ZC3H18: variants seen among roughly 807,000 people sequenced by gnomAD.
ZC3H18 encodes the protein zinc finger CCCH-type containing 18.
Under a neutral mutation model 106.1 loss-of-function variants are expected in ZC3H18, and 8 were observed. The ratio of observed to expected loss-of-function variants is 0.08; its 90% CI spans 0.04 to 0.14. The LOEUF is 0.14. Ranked by LOEUF, ZC3H18 falls within the 10% of genes least tolerant of loss-of-function variation. The pLI is 1.00. For synonymous variants in ZC3H18, 635 were observed against 522.1 expected (o/e 1.22, Z -2.95); for missense variants, 1,318 against 1,278.4 (o/e 1.03, Z -0.47).
At chr16:88,585,593 C>G (rs1448571765) in intron 2 of ZC3H18, among the ~76,000 whole-genome samples, 2 of 152,162 alleles carry the variant, frequency 1.3e-5, no homozygotes, top group African/African-American at 4.8e-5. Context: ...GAAGGGGACT[C>G]AAGCTTCCAT....
chr16:88,596,911 C>T lies in ZC3H18; in HGVS notation c.689-1267C>T, dbSNP rs1378806668. Among the ~76,000 whole-genome samples, 3 of 152,198 alleles carry T rather than the reference C, an allele frequency of 2.0e-5. No individual in the cohort carries two copies. The East Asian group carries it at 5.8e-4, about 29-fold the overall frequency. Reference sequence around the variant, plus strand: ...GAACCCCCTATAGAATAACATTTCCCAACCTCTTTTGTTTTTTGTTGTTGT... The same window carrying T: ...GAACCCCCTATAGAATAACATTTCCTAACCTCTTTTGTTTTTTGTTGTTGT... On this transcript the variant is annotated intron_variant, in intron 3 of 17. Coordinates refer to ENST00000301011, the MANE Select transcript of ZC3H18 (RefSeq NM_144604.4).
At chr16:88,621,460 G>A (rs144257055) in intron 8 of ZC3H18, among the ~76,000 whole-genome samples, 3 of 151,946 alleles carry the variant, frequency 2.0e-5, no homozygotes, top group South Asian at 4.1e-4. Flanking sequence ...TCTTGACCTC[G>A]TGATTCGCCC....
chr16:88,625,004 A>G (rs2142820672), intron 12 of ZC3H18, among the ~76,000 whole-genome samples, 198 bp from the exon 13 acceptor site: 1 of 152,266 alleles, frequency 6.6e-6, no homozygotes, highest in Admixed American at 6.5e-5. Context: ...TCTGCACTGG[A>G]AGGTGCTGCC....
intron 6 of ZC3H18, among the ~76,000 whole-genome samples, chr16:88,601,753 G>A (rs1310077362): frequency 6.6e-6 from 1 of 152,164 alleles, no homozygotes; most frequent in Non-Finnish European, 1.5e-5. Context: ...TGTTTTTATA[G>A]AGTAGCCTCT....
At chr16:88,623,817 AG>A in intron 10 of ZC3H18, 140 bp from the exon 11 acceptor site, 1 of 1,394,998 alleles carries the variant, frequency 7.2e-7, no homozygotes, top group Non-Finnish European at 9.5e-7. Flanking sequence ...ATGACAGAAC[AG>A]TCCAGAACTG....
intron 11 of ZC3H18, 140 bp from the exon 12 acceptor site, chr16:88,624,462 G>C: frequency 2.2e-6 from 3 of 1,335,190 alleles, no homozygotes; most frequent in Non-Finnish European, 3.1e-6. Context: ...GTGGGGAGCC[G>C]TGTCCAGGCA....
At chr16:88,603,318 T>A (rs1904846090) in intron 6 of ZC3H18, among the ~76,000 whole-genome samples, 1 of 151,078 alleles carries the variant, frequency 6.6e-6, no homozygotes, top group East Asian at 2.0e-4. Flanking sequence ...GCAGGATCAC[T>A]TAGTAAACAT....
rs777397368 is a variant in ZC3H18 at position 88,609,050 on chromosome 16, G to A, written c.1205G>A (p.Arg402Gln). Residue 402 changes from arginine (R) to glutamine (Q), a missense_variant and splice_region_variant, in exon 7 of 18, where the codon CGA (arginine) becomes CAA (glutamine). Arg to Gln is a conservative substitution (Grantham distance 43). Around this residue, in one of 6 missense-constraint regions of ZC3H18, gnomAD observed 848 missense variants for 821.7 expected, o/e 1.03. Coordinates refer to ENST00000301011, the MANE Select transcript of ZC3H18 (RefSeq NM_144604.4). The stretch of plus-strand genomic sequence containing the variant: ...GAAACAGAGCCGTATCATAATTACC[G>A]AGTAAGTATGACTTCAATATCCACA... ...YTETEPYHNYREREREREREN... is the reference protein window; with the variant it reads ...YTETEPYHNYQEREREREREN... 4.2e-5 allele frequency: 68 copies of A among 1,602,540 alleles called. No individual in the cohort carries two copies. The highest frequency in any genetic ancestry group is 2.3e-4 in the Admixed American group (14 of 59,740).
At position 88,630,761 on chromosome 16, in the gene ZC3H18, CCCCCACACACA is replaced by C. The variant is rs1906627790; in HGVS notation, c.2663+182_2663+192del. 6.4e-5 allele frequency among the ~76,000 whole-genome samples: 7 copies of C among 109,838 alleles called. 1 individual carries two copies. In the South Asian group the frequency reaches 2.1e-3, roughly 33 times the overall value. The allele number at this position is 109,838 out of a possible 152,430, so 72.1% of individuals were successfully genotyped here. On this transcript the variant is annotated intron_variant, in intron 17 of 17. Transcript: ENST00000301011. ...GAATTGCAGCCCCACCCCCCACCCC[CCCCCACACACA>C]CACACACGCTCCTGCCCTGGTTGAG...
chr16:88,623,307 T>C lies in ZC3H18; in HGVS notation c.1756T>C (p.Ser586Pro). 2 of 1,613,850 alleles carry C rather than the reference T, an allele frequency of 1.2e-6. No homozygotes were observed. The highest frequency in any genetic ancestry group is 8.5e-7 in the Non-Finnish European group (1 of 1,179,960). ...ATCCTACAGCTCCTACTCCAGCCGC[T>C]CTTCCAGACACAGCTCGTTCTCAGG... The part of the protein sequence containing the change: ...SSSYSSYSSR[S>P]SRHSSFSGSR... The change falls in exon 10 of 18, where the codon TCT becomes CCT. Residue 586 changes from serine to proline, a missense_variant. Coordinates refer to ENST00000301011, the MANE Select transcript of ZC3H18 (RefSeq NM_144604.4).
At chr16:88,614,744 T>G (rs1369713074) in intron 8 of ZC3H18, among the ~76,000 whole-genome samples, 3 of 152,258 alleles carry the variant, frequency 2.0e-5, no homozygotes, top group Non-Finnish European at 4.4e-5. Flanking sequence ...ACCTTGACAT[T>G]GTGCCGCCTT....
chr16:88,600,862 G>T (rs1306448744), intron 6 of ZC3H18, among the ~76,000 whole-genome samples: 4 of 152,244 alleles, frequency 2.6e-5, no homozygotes, highest in African/African-American at 9.6e-5. Flanking sequence ...GCAGGGAACT[G>T]GATTATAATT....
At chr16:88,588,862 G>C (rs1915586029) in intron 3 of ZC3H18, among the ~76,000 whole-genome samples, 1 of 152,032 alleles carries the variant, frequency 6.6e-6, no homozygotes, top group Non-Finnish European at 1.5e-5. Flanking sequence ...ACTCCAGCCT[G>C]GGCGACAGTG....
intron 6 of ZC3H18, among the ~76,000 whole-genome samples, chr16:88,603,805 T>G (rs1301172534): frequency 2.0e-5 from 2 of 99,586 alleles, no homozygotes; most frequent in African/African-American, 7.1e-5. Flanking sequence ...TTTTTTTTTT[T>G]TGTATTTTTA....
intron 3 of ZC3H18, among the ~76,000 whole-genome samples, chr16:88,597,906 C>T (rs987501321): frequency 3.1e-4 from 47 of 152,226 alleles, no homozygotes; most frequent in Non-Finnish European, 4.1e-4. Flanking sequence ...AGTTGATACG[C>T]GTGAACTCTC....
At chr16:88,594,601 GA>G (rs1904336196) in intron 3 of ZC3H18, among the ~76,000 whole-genome samples, 1 of 152,032 alleles carries the variant, frequency 6.6e-6, no homozygotes, top group African/African-American at 2.4e-5. Context: ...ATTGTTTAGT[GA>G]AAAAAAGCAA....
chr16:88,624,727 C>A lies in ZC3H18; in HGVS notation c.2024C>A (p.Ala675Asp). Reference protein sequence around the residue: ...PREARRKERPARTPPRRRTLS... With the variant: ...PREARRKERPDRTPPRRRTLS... ...GAAGCCAGGAGGAAGGAGCGGCCAG[C>A]CAGGACCCCCCCCAGGAGGTGAGCA... Residue 675 changes from alanine (A) to aspartate (D), a missense_variant, in exon 12 of 18, where the codon GCC becomes GAC. By Grantham distance (126) the Ala-to-Asp change is moderately radical (BLOSUM62 -2). Coordinates refer to ENST00000301011, the MANE Select transcript of ZC3H18 (RefSeq NM_144604.4). 1 of 1,612,726 alleles carries A rather than the reference C, an allele frequency of 6.2e-7. No homozygotes were observed. Among genetic ancestry groups the A allele is most frequent in the Non-Finnish European group, 8.5e-7 (1 of 1,179,686 alleles).
At chr16:88,584,559 A>T (rs546083249) in intron 2 of ZC3H18, among the ~76,000 whole-genome samples, 30 of 152,286 alleles carry the variant, frequency 2.0e-4, no homozygotes, top group African/African-American at 6.7e-4. Context: ...TTTTAACTGA[A>T]AGGGGCCATA....
At chr16:88,607,066 T>C (rs961054135) in intron 6 of ZC3H18, among the ~76,000 whole-genome samples, 3 of 152,150 alleles carry the variant, frequency 2.0e-5, no homozygotes, top group African/African-American at 7.2e-5. Flanking sequence ...GCCAGGAGTT[T>C]AGAGCAGGCC....
Sources: allele counts gnomAD v4.1 joint callset (sites outside exome capture counted in the v4.1 genomes callset), GRCh38; gene constraint gnomAD v4.1.1; regional missense constraint gnomAD v4.1.1; transcripts MANE v1.5; gene names NCBI Gene and HGNC (gene_info 2026-07-23, HGNC 2026-07-21).